RAF1: variants seen among roughly 807,000 people sequenced by gnomAD.
RAF1 encodes the protein Raf-1 proto-oncogene, serine/threonine kinase, also known as RAF proto-oncogene serine/threonine-protein kinase.
RAF1 carries 27 observed loss-of-function variants against 81.1 expected under a neutral mutation model. The ratio of observed to expected loss-of-function variants is 0.33; its 90% CI spans 0.25 to 0.46. RAF1 has a LOEUF of 0.46. Among genes scored for constraint, RAF1 ranks in the 20% least tolerant of loss-of-function variants. The pLI is 1.00. For synonymous variants in RAF1, 298 were observed against 294.0 expected (o/e 1.01, Z -0.14); for missense variants, 598 against 826.0 (o/e 0.72, Z 3.38).
chr3:12,600,001 T>C, intron 10 of RAF1, 151 bp downstream of exon 9: 1 of 1,364,538 alleles, frequency 7.3e-7, no homozygotes, highest in Non-Finnish European at 1.0e-6. Flanking sequence ...CTGATGCAAG[T>C]GTGCCAAAAA....
intron 1 of RAF1, among the ~76,000 whole-genome samples, chr3:12,636,881 C>T (rs1282639205): frequency 1.3e-5 from 2 of 152,036 alleles, no homozygotes; most frequent in Non-Finnish European, 2.9e-5. Context: ...TCATTACATA[C>T]TACATACCCT....
At chr3:12,628,419 TG>T (rs949154908) in intron 1 of RAF1, among the ~76,000 whole-genome samples, 4 of 152,038 alleles carry the variant, frequency 2.6e-5, no homozygotes, top group African/African-American at 9.7e-5. Flanking sequence ...CCCAACTACT[TG>T]GGAGGCTGAA....
chr3:12,658,814 A>C (rs888274947), intron 1 of RAF1, among the ~76,000 whole-genome samples: 3 of 152,156 alleles, frequency 2.0e-5, no homozygotes, highest in African/African-American at 7.2e-5. Flanking sequence ...TGCTATGTAC[A>C]CTGATTGGAA....
rs567764272 is a variant in RAF1 at position 12,647,039 on chromosome 3, G to A, written c.-27+16774C>T. On this transcript the variant is annotated intron_variant, in intron 1 of 17. Transcript: ENST00000442415. ...CGGCCAGGCGTGGTGGCTCACGCCT[G>A]TAATCCCAGCACTTTGGGAGGCCGA... is the stretch of plus-strand genomic sequence containing the variant. 2.0e-3 allele frequency among the ~76,000 whole-genome samples: 298 copies of A among 151,068 alleles called. 1 individual carries two copies. Among genetic ancestry groups the A allele is most frequent in the African/African-American group, 6.3e-3 (260 of 41,290 alleles).
chr3:12,633,957 A>C (rs2059942193), intron 1 of RAF1, among the ~76,000 whole-genome samples: 1 of 151,800 alleles, frequency 6.6e-6, no homozygotes, highest in African/African-American at 2.4e-5. Context: ...AAAAACAAAA[A>C]AAATCAGGAA....
At chr3:12,647,723 T>C (rs1358123085) in intron 1 of RAF1, among the ~76,000 whole-genome samples, 2 of 152,226 alleles carry the variant, frequency 1.3e-5, no homozygotes, top group Non-Finnish European at 2.9e-5. Context: ...TCCTAACCAG[T>C]CCAAAAGGGC....
chr3:12,604,632 A>G (rs1268469394), intron 6 of RAF1, among the ~76,000 whole-genome samples: 2 of 152,196 alleles, frequency 1.3e-5, no homozygotes, highest in Admixed American at 1.3e-4. Context: ...CCACGCTACC[A>G]CCTATTAAGC....
intron 1 of RAF1, among the ~76,000 whole-genome samples, chr3:12,631,676 C>T (rs2059865598): frequency 6.6e-6 from 1 of 152,140 alleles, no homozygotes; most frequent in African/African-American, 2.4e-5. Context: ...ACAGAGTAAA[C>T]GATACTGTTA....
At chr3:12,597,850 CAG>C (rs556802753) in intron 11 of RAF1, among the ~76,000 whole-genome samples, 55 of 151,708 alleles carry the variant, frequency 3.6e-4, no homozygotes, top group Admixed American at 3.6e-3. Flanking sequence ...GCCCAGGAGG[CAG>C]AGACTGCAGT....
rs561254730 is a variant in RAF1 at position 12,623,420 on chromosome 3, CTTTA to C, written c.-26-4677_-26-4674del. Among the ~76,000 whole-genome samples the C allele has an allele frequency of 7.5e-3, 1,148 of 152,304 alleles. 7 individuals are homozygous for C. The highest frequency in any genetic ancestry group is 0.025 in the African/African-American group (1,053 of 41,556). On this transcript the variant is annotated intron_variant, in intron 1 of 17. Transcript: ENST00000442415. ...AAGTGACAAAATAAAAATACACCTA[CTTTA>C]TTTAATTCAAGTTTTAGATTATTTG...
At chr3:12,616,518 GAAGA>G (rs1157670283) in intron 2 of RAF1, among the ~76,000 whole-genome samples, 2 of 152,130 alleles carry the variant, frequency 1.3e-5, no homozygotes, top group Non-Finnish European at 2.9e-5. Flanking sequence ...TCATTTTTAG[GAAGA>G]GAGACAAAGA....
At chr3:12,648,023 C>T (rs1390620041) in intron 1 of RAF1, among the ~76,000 whole-genome samples, 1 of 152,186 alleles carries the variant, frequency 6.6e-6, no homozygotes, top group Non-Finnish European at 1.5e-5. Context: ...TACCTGGAGC[C>T]AACTTTATTT....
chr3:12,603,988 A>G lies in RAF1; in HGVS notation c.834+148T>C, dbSNP rs2058945504. 8.2e-6 allele frequency: 7 copies of G among 856,092 alleles called. No homozygotes were observed. In the Admixed American group the frequency reaches 1.5e-4, roughly 18 times the overall value. The allele number at this position is 856,092 out of a possible 1,614,324, so 53.0% of individuals were successfully genotyped here. On this transcript the variant is annotated intron_variant, in intron 7 of 17. Coordinates refer to ENST00000442415, the MANE Select transcript of RAF1 (RefSeq NM_001354689.3). ...ACTATTCAGCCAGTCTGAAGATATT[A>G]TGGATATAAAATAAACTGTAAAAGT...
intron 11 of RAF1, among the ~76,000 whole-genome samples, chr3:12,597,187 C>T (rs1274897866): frequency 1.3e-5 from 2 of 152,124 alleles, no homozygotes; most frequent in African/African-American, 2.4e-5. Flanking sequence ...CGTGAGCCAC[C>T]GCACCTGGCC....
In RAF1 at chr3:12,632,081, A is replaced by C. The variant is rs577050999; in HGVS notation, c.-26-13334T>G. 5.9e-5 allele frequency among the ~76,000 whole-genome samples: 9 copies of C among 152,262 alleles called. No homozygotes were observed. In the South Asian group the frequency reaches 1.2e-3, roughly 21 times the overall value. On this transcript the variant is annotated intron_variant, in intron 1 of 17. Transcript: ENST00000442415. ...AGTGGCTCACGCCTGTAATCTCAGC[A>C]GTTTGGGAGGCCAAGGCAGGGGGAT...
In RAF1 at chr3:12,590,977, G is replaced by A. The variant is rs1223755089; in HGVS notation, c.1254-3C>T. ...GAATGTTCACATGCCGTGTTTTGCT[G>A]GGGAGGGGAGGGGAAGAGAGGAGAG... is the stretch of plus-strand genomic sequence containing the variant. On this transcript the variant is annotated splice_polypyrimidine_tract_variant and splice_region_variant and intron_variant, in intron 12 of 17. Transcript: ENST00000442415. 3 of 1,604,434 alleles carry A rather than the reference G, an allele frequency of 1.9e-6. No homozygotes were observed. The highest frequency in any genetic ancestry group is 2.6e-6 in the Non-Finnish European group (3 of 1,172,822).
intron 5 of RAF1, among the ~76,000 whole-genome samples, chr3:12,608,192 C>T (rs1195684785): frequency 6.6e-6 from 1 of 152,028 alleles, no homozygotes; most frequent in Non-Finnish European, 1.5e-5. Context: ...GCAGTTTGGA[C>T]CATGTACTTT....
chr3:12,585,435 C>T (rs2058301342), intron 15 of RAF1, 182 bp from the exon 15 acceptor site: 1 of 985,272 alleles, frequency 1.0e-6, no homozygotes, highest in Non-Finnish European at 1.2e-6. Context: ...GAATCCTTGT[C>T]TTTAAAGGAC....
chr3:12,645,996 T>A (rs936060455), intron 1 of RAF1, among the ~76,000 whole-genome samples: 3 of 152,246 alleles, frequency 2.0e-5, no homozygotes, highest in Non-Finnish European at 4.4e-5. Flanking sequence ...TTTTTCTTCA[T>A]ATTTAAGAGA....
Sources: allele counts gnomAD v4.1 joint callset (sites outside exome capture counted in the v4.1 genomes callset), GRCh38; gene constraint gnomAD v4.1.1; transcripts MANE v1.5; gene names NCBI Gene and HGNC (gene_info 2026-07-23, HGNC 2026-07-21).